THADA: variants seen among roughly 807,000 people sequenced by gnomAD.
The protein encoded by THADA is tRNA (32-2'-O)-methyltransferase regulator THADA.
In THADA, 213 loss-of-function variants were observed where a neutral mutation model predicts 219.8. That is an observed-to-expected ratio of 0.97 (90% CI 0.87 to 1.09). The LOEUF is 1.09. Among genes scored for constraint, THADA ranks in the 50% least tolerant of loss-of-function variants. THADA has a pLI of 0.00. For missense variants in THADA, 2,956 were observed against 2,311.3 expected (o/e 1.28, Z -5.72); for synonymous variants, 1,018 against 828.9 (o/e 1.23, Z -3.92).
At chr2:43,419,836 T>C (rs1677465740) in intron 28 of THADA, among the ~76,000 whole-genome samples, 1 of 152,178 alleles carries the variant, frequency 6.6e-6, no homozygotes, top group African/African-American at 2.4e-5. Context: ...TTTTTCCCAC[T>C]ACAATTCATT....
At chr2:43,361,049 T>G (rs1243159962) in intron 29 of THADA, among the ~76,000 whole-genome samples, 3 of 148,766 alleles carry the variant, frequency 2.0e-5, no homozygotes, top group African/African-American at 4.9e-5. Flanking sequence ...GCTACCAGCA[T>G]CTACCACAAC....
chr2:43,439,316 T>C (rs531140373), intron 26 of THADA, among the ~76,000 whole-genome samples: 2 of 152,210 alleles, frequency 1.3e-5, no homozygotes, highest in African/African-American at 2.4e-5. Flanking sequence ...ACTTTTATTA[T>C]AGTATATTGT....
intron 35 of THADA, among the ~76,000 whole-genome samples, chr2:43,284,871 C>T (rs957647844): frequency 1.3e-5 from 2 of 152,176 alleles, no homozygotes; most frequent in Non-Finnish European, 2.9e-5. Flanking sequence ...ATCAGCATGC[C>T]CTGGATGTGA....
intron 26 of THADA, among the ~76,000 whole-genome samples, chr2:43,464,953 AG>A (rs979290627): frequency 6.6e-6 from 1 of 152,156 alleles, no homozygotes; most frequent in African/African-American, 2.4e-5. Flanking sequence ...TGACAAGAAC[AG>A]GGGGAAAAAA....
At chr2:43,575,056 T>C (rs766619217) in intron 10 of THADA, 29 bp from the exon 11 acceptor site, 18 of 1,483,198 alleles carry the variant, frequency 1.2e-5, no homozygotes, top group Admixed American at 6.6e-5. Context: ...TGAGCCATTA[T>C]TGTAAACTGA....
intron 21 of THADA, among the ~76,000 whole-genome samples, chr2:43,528,824 A>G (rs982949379): frequency 6.6e-6 from 1 of 152,160 alleles, no homozygotes. Flanking sequence ...TAAAATATAC[A>G]TAATATTTAT....
chr2:43,302,245 G>C (rs1330924547), intron 31 of THADA, among the ~76,000 whole-genome samples: 1 of 151,998 alleles, frequency 6.6e-6, no homozygotes, highest in Non-Finnish European at 1.5e-5. Flanking sequence ...CCAAATGTTT[G>C]AGTGAAAGAA....
At chr2:43,571,037 C>CT (rs1699232459) in intron 13 of THADA, among the ~76,000 whole-genome samples, 1 of 152,160 alleles carries the variant, frequency 6.6e-6, no homozygotes, top group African/African-American at 2.4e-5. Context: ...GGCAGGACCA[C>CT]TAGAGTCCAG....
At chr2:43,313,403 T>C (rs1677728444) in intron 31 of THADA, among the ~76,000 whole-genome samples, 1 of 152,256 alleles carries the variant, frequency 6.6e-6, no homozygotes, top group African/African-American at 2.4e-5. Context: ...ATAAAAGTTA[T>C]ATTCCAGTTA....
chr2:43,580,198 T>TC (rs973862805), intron 8 of THADA, among the ~76,000 whole-genome samples: 2 of 151,136 alleles, frequency 1.3e-5, no homozygotes, highest in African/African-American at 4.9e-5. Flanking sequence ...CTAATGTTTT[T>TC]TTTTGTATTT....
At chr2:43,563,020 C>G (rs768941787) in intron 15 of THADA, 2 of 152,178 alleles carry the variant, frequency 1.3e-5, no homozygotes, top group Non-Finnish European at 1.5e-5. Context: ...AACACAACTT[C>G]TGGTTTCGTA....
intron 26 of THADA, among the ~76,000 whole-genome samples, chr2:43,458,464 C>A (rs575729771): frequency 9.9e-5 from 15 of 152,252 alleles, no homozygotes; most frequent in Admixed American, 2.0e-4. Flanking sequence ...GATAACTATA[C>A]CTAACCAAAT....
rs752158253 is a variant in THADA at position 43,577,268 on chromosome 2, C to T, written c.817-26G>A. The T allele has an allele frequency of 3.3e-6, 5 of 1,511,952 alleles. No individual in the cohort carries two copies. The South Asian group carries it at 4.9e-5, about 15-fold the overall frequency. 93.7% of individuals were successfully genotyped at this position (1,511,952 alleles called of 1,614,324 possible). ...CTGGAAAAATATAGCAGAGCTAACA[C>T]ACATAAAGCTTTTAAAACTTTTCAG... On this transcript the variant is annotated intron_variant, in intron 9 of 37. Coordinates refer to ENST00000405975, the MANE Select transcript of THADA (RefSeq NM_022065.5).
At chr2:43,568,581 C>A (rs985446008) in intron 14 of THADA, among the ~76,000 whole-genome samples, 4 of 152,184 alleles carry the variant, frequency 2.6e-5, no homozygotes, top group Non-Finnish European at 4.4e-5. Flanking sequence ...TGAAAATTCA[C>A]AATCTCAATC....
At chr2:43,408,639 C>A (rs947280585) in intron 28 of THADA, among the ~76,000 whole-genome samples, 1 of 152,156 alleles carries the variant, frequency 6.6e-6, no homozygotes, top group African/African-American at 2.4e-5. Context: ...GAGTATCTAA[C>A]AATGTGGCCA....
In THADA at chr2:43,344,187, T is replaced by A; in HGVS notation, c.4278A>T (p.Ser1426=). The change falls in exon 30 of 38, where the codon TCA becomes TCT. Residue 1426 remains serine (S), a synonymous_variant. Transcript: ENST00000405975. ...TGTCAGTCAGCTCGTGCTGGAAGTCTGAATTCGTTCCGTGTTTGGAGTCTG... is the reference window on the plus strand; with the variant it reads ...TGTCAGTCAGCTCGTGCTGGAAGTCAGAATTCGTTCCGTGTTTGGAGTCTG... The part of the protein sequence containing the change: ...AYSDSKHGTN[S]DFQHELTDIT... 2 of 1,612,776 alleles carry A rather than the reference T, an allele frequency of 1.2e-6. No homozygotes were observed. Among genetic ancestry groups the A allele is most frequent in the Non-Finnish European group, 1.7e-6 (2 of 1,179,476 alleles).
intron 28 of THADA, 57 bp from the exon 29 acceptor site, chr2:43,398,196 T>G: frequency 1.3e-6 from 2 of 1,557,846 alleles, no homozygotes; most frequent in South Asian, 2.4e-5. Context: ...TCTGTGACTT[T>G]GTATATACTT....
intron 16 of THADA, among the ~76,000 whole-genome samples, chr2:43,559,303 T>C (rs945550547): frequency 6.6e-6 from 1 of 152,142 alleles, no homozygotes; most frequent in Non-Finnish European, 1.5e-5. Flanking sequence ...TCAAAAAAGA[T>C]TGATGTTCTG....
At chr2:43,405,180 C>A (rs1432524658) in intron 28 of THADA, among the ~76,000 whole-genome samples, 1 of 152,112 alleles carries the variant, frequency 6.6e-6, no homozygotes, top group Admixed American at 6.6e-5. Context: ...AGGTCCAGGG[C>A]CCAAGTCTAT....
Sources: gnomAD v4.1 joint callset for allele counts (sites outside exome capture counted in the v4.1 genomes callset) on GRCh38, gnomAD v4.1.1 for gene constraint, MANE v1.5 for transcripts, NCBI Gene and HGNC (gene_info 2026-07-23, HGNC 2026-07-21) for gene names.